The following SLC25A28 variants were observed in gnomAD, a reference collection of about 807,000 sequenced individuals.
SLC25A28 encodes mitoferrin-2.
In SLC25A28, 10 loss-of-function variants were observed where a neutral mutation model predicts 31.9. That is an observed-to-expected ratio of 0.31 (90% CI 0.19 to 0.53). SLC25A28 has a LOEUF of 0.53. Ranked by LOEUF, SLC25A28 falls within the 20% of genes least tolerant of loss-of-function variation. SLC25A28 has a pLI of 0.95. For synonymous variants in SLC25A28, 208 were observed against 203.6 expected, an observed-to-expected ratio of 1.02 and a Z score of -0.19; for missense variants, 256 against 490.3, an observed-to-expected ratio of 0.52 and a Z score of 4.51.
At chr10:99,641,831 C>T in the SLC25A28 span, among the ~76,000 whole-genome samples, 2 of 152,224 alleles carry the variant, frequency 1.3e-5, no homozygotes, top group Non-Finnish European at 2.9e-5. Context: ...GGAATCCTTT[C>T]CCCATTTCTT....
chr10:99,649,466 A>G, the SLC25A28 span, among the ~76,000 whole-genome samples: 1 of 152,236 alleles, frequency 6.6e-6, no homozygotes, highest in African/African-American at 2.4e-5. Flanking sequence ...CTGGCCTTGT[A>G]GAATGAGTTA....
rs1332104 is a variant in SLC25A28, at chr10:99,618,763, A to C, written c.291+1282T>G. 5.2e-3 allele frequency: 5,139 copies of C among 985,418 alleles called. 185 individuals are homozygous for C. In the African/African-American group the frequency reaches 0.078, roughly 15 times the overall value. 61.0% of individuals were successfully genotyped at this position (985,418 alleles called of 1,614,324 possible). A position where few individuals can be genotyped will look rare whatever the true frequency, so the allele number is the denominator to read the frequency against. On this transcript the variant is annotated intron_variant, in intron 1 of 3. Transcript: ENST00000370495. ...CAGTTTGCTGTCATTCACAAAGCTT[A>C]ATGAGCGCTCCCCCCATTTCCTTAT...
At chr10:99,616,338 C>A in intron 1 of SLC25A28, 2 of 781,736 alleles carry the variant, frequency 2.6e-6, no homozygotes, top group Non-Finnish European at 3.1e-6. Context: ...AACATGAGGC[C>A]AAGAATGACT....
At chr10:99,616,307 A>G in intron 1 of SLC25A28, 5 of 813,208 alleles carry the variant, frequency 6.1e-6, no homozygotes, top group Non-Finnish European at 7.4e-6. Flanking sequence ...AACCTCTTTA[A>G]GCTTCAAAAT....
the SLC25A28 span, among the ~76,000 whole-genome samples, chr10:99,643,455 C>G: frequency 5.3e-5 from 8 of 152,120 alleles, no homozygotes; most frequent in Non-Finnish European, 1.0e-4. Context: ...ATTCTTCTCT[C>G]TTTTCTTCTT....
At chr10:99,618,670 G>T (rs373561592) in intron 1 of SLC25A28, 17 of 985,378 alleles carry the variant, frequency 1.7e-5, no homozygotes, top group Non-Finnish European at 2.0e-5. Context: ...TTTTAGTCAA[G>T]TGCATTTACC....
the SLC25A28 span, among the ~76,000 whole-genome samples, chr10:99,651,073 C>G: frequency 6.6e-6 from 1 of 152,174 alleles, no homozygotes; most frequent in Non-Finnish European, 1.5e-5. Flanking sequence ...GGATTTCTCT[C>G]TTATTGTTTC....
the SLC25A28 span, among the ~76,000 whole-genome samples, chr10:99,640,453 G>A: frequency 6.6e-6 from 1 of 152,094 alleles, no homozygotes; most frequent in East Asian, 1.9e-4. Context: ...ATTATTGTAC[G>A]TCTTTTGATT....
At chr10:99,647,834 G>A in the SLC25A28 span, among the ~76,000 whole-genome samples, 1 of 152,088 alleles carries the variant, frequency 6.6e-6, no homozygotes, top group African/African-American at 2.4e-5. Flanking sequence ...TTTTGTTTAT[G>A]GCGAGAGGTA....
chr10:99,655,679 C>T, the SLC25A28 span, among the ~76,000 whole-genome samples: 1 of 152,198 alleles, frequency 6.6e-6, no homozygotes, highest in Non-Finnish European at 1.5e-5. Context: ...TGTCTTCCCT[C>T]CTCCCTGGGC....
upstream of SLC25A28, chr10:99,620,715 C>T: frequency 1.0e-6 from 1 of 985,768 alleles, no homozygotes; most frequent in Non-Finnish European, 1.2e-6. Context: ...AAACTTAAGG[C>T]TGAACTTTGA....
chr10:99,618,876 C>G (rs767943267), intron 1 of SLC25A28: 1 of 985,400 alleles, frequency 1.0e-6, no homozygotes, highest in East Asian at 1.1e-4. Context: ...TGATTCTCTC[C>G]TCCTTTTGAA....
Position 99,610,713 on chromosome 10 carries a change from A to G in SLC25A28, c.*136T>C. 8.4e-7 allele frequency: 1 copy of G among 1,183,614 alleles called. No individual in the cohort carries two copies. The highest frequency in any genetic ancestry group is 1.2e-6 in the Non-Finnish European group (1 of 849,158). 73.3% of individuals were successfully genotyped at this position (1,183,614 alleles called of 1,614,324 possible). A position where few individuals can be genotyped will look rare whatever the true frequency, so the allele number is the denominator to read the frequency against. ...AGGTTGGCAGGAACTGGTGTTAGTC[A>G]AAACACCAAAATCCTGGGGGAGAGC... is the stretch of plus-strand genomic sequence containing the variant. On this transcript the variant is annotated 3_prime_UTR_variant, in exon 4 of 4. Transcript: ENST00000370495.
chr10:99,651,254 C>T, the SLC25A28 span, among the ~76,000 whole-genome samples: 1 of 152,184 alleles, frequency 6.6e-6, no homozygotes, highest in Non-Finnish European at 1.5e-5. Context: ...GAGGCACATA[C>T]TACCTGTGTC....
At chr10:99,631,068 G>A in the SLC25A28 span, among the ~76,000 whole-genome samples, 13 of 152,154 alleles carry the variant, frequency 8.5e-5, no homozygotes, top group Non-Finnish European at 1.6e-4. Flanking sequence ...GTGGTCACAG[G>A]ACAAGAACAG....
chr10:99,644,618 G>C, the SLC25A28 span, among the ~76,000 whole-genome samples: 1 of 152,128 alleles, frequency 6.6e-6, no homozygotes, highest in Non-Finnish European at 1.5e-5. Context: ...TGGTTATTTT[G>C]CTCGTTAGTT....
the SLC25A28 span, among the ~76,000 whole-genome samples, chr10:99,625,619 A>G: frequency 6.6e-6 from 1 of 152,196 alleles, no homozygotes; most frequent in Non-Finnish European, 1.5e-5. Flanking sequence ...TCAAGTTTCA[A>G]TTTGGGCATG....
chr10:99,617,914 C>G (rs2034696288), intron 1 of SLC25A28: 1 of 486,106 alleles, frequency 2.1e-6, no homozygotes, highest in African/African-American at 2.1e-5. Context: ...TTGACTTATT[C>G]CAGCAAAGCT....
At chr10:99,626,480 C>T in the SLC25A28 span, among the ~76,000 whole-genome samples, 3 of 152,278 alleles carry the variant, frequency 2.0e-5, no homozygotes, top group South Asian at 2.1e-4. Flanking sequence ...CTGAAAAAGC[C>T]GTTGAAACAA....
Sources: gnomAD v4.1 joint callset for allele counts (sites outside exome capture counted in the v4.1 genomes callset) on GRCh38, gnomAD v4.1.1 for gene constraint, MANE v1.5 for transcripts, NCBI Gene and HGNC (gene_info 2026-07-23, HGNC 2026-07-21) for gene names.